The following CATSPERE variants were observed in gnomAD, a reference collection of about 807,000 sequenced individuals.
The protein encoded by CATSPERE is cation channel sperm-associated auxiliary subunit epsilon.
In CATSPERE, 93 loss-of-function variants were observed where a neutral mutation model predicts 114.1. The observed-to-expected ratio is 0.81, with a 90% confidence interval of 0.69 to 0.97. The LOEUF (loss-of-function observed/expected upper bound fraction) is 0.97. Ranked by LOEUF, CATSPERE falls within the 50% of genes least tolerant of loss-of-function variation. CATSPERE has a pLI of 0.00. For missense variants in CATSPERE, 1,058 were observed against 1,131.6 expected, an observed-to-expected ratio of 0.93 and a Z score of 0.93; for synonymous variants, 341 against 384.1, an observed-to-expected ratio of 0.89 and a Z score of 1.31.
intron 8 of CATSPERE, among the ~76,000 whole-genome samples, chr1:244,545,430 A>G (rs553102153): frequency 4.9e-4 from 75 of 152,328 alleles, no homozygotes; most frequent in African/African-American, 1.8e-3. Context: ...AGGCTCTAGA[A>G]TAAGTCTAGG....
At position 244,583,797 on chromosome 1, in the gene CATSPERE, T is replaced by A. The variant is rs1666601171; in HGVS notation, c.2010-67T>A. 2.0e-6 allele frequency: 3 copies of A among 1,467,880 alleles called. No homozygotes were observed. In the Admixed American group the frequency reaches 5.2e-5, roughly 26 times the overall value. 90.9% of individuals were successfully genotyped at this position (1,467,880 alleles called of 1,614,324 possible). A position where few individuals can be genotyped will look rare whatever the true frequency, so the allele number is the denominator to read the frequency against. On this transcript the variant is annotated intron_variant, in intron 12 of 21. Transcript: ENST00000366534. ...TGCACATGGGACTTTGCACTTGCTCTACAGAAAGACAGTGTCATGCCTGTC... is the reference window on the plus strand; with the variant it reads ...TGCACATGGGACTTTGCACTTGCTCAACAGAAAGACAGTGTCATGCCTGTC...
chr1:244,470,348 C>A (rs1446625865), intron 2 of CATSPERE, among the ~76,000 whole-genome samples: 2 of 152,098 alleles, frequency 1.3e-5, no homozygotes, highest in African/African-American at 4.8e-5. Context: ...AATAAAAATA[C>A]AACCCAGTTT....
intron 20 of CATSPERE, among the ~76,000 whole-genome samples, chr1:244,626,790 G>C (rs1311868040): frequency 6.6e-6 from 1 of 152,152 alleles, no homozygotes; most frequent in Non-Finnish European, 1.5e-5. Context: ...TCTAAATTAG[G>C]CTTTGGTTTA....
chr1:244,498,160 C>T (rs1673416381), intron 6 of CATSPERE, among the ~76,000 whole-genome samples: 1 of 152,052 alleles, frequency 6.6e-6, no homozygotes, highest in South Asian at 2.1e-4. Context: ...GTAGTTCCTC[C>T]ATAATTTAGA....
In CATSPERE at chr1:244,560,776, A is replaced by G. The variant is rs1302297266; in HGVS notation, c.1138A>G (p.Ile380Val). ...RLVTTTELKNILSLSVTATLT... is the reference protein window; with the variant it reads ...RLVTTTELKNVLSLSVTATLT... ...AGTAACTACCACAGAACTGAAAAACATCCTAAGTCTATCGGTGACTGCTAC... is the reference window on the plus strand; with the variant it reads ...AGTAACTACCACAGAACTGAAAAACGTCCTAAGTCTATCGGTGACTGCTAC... Residue 380 changes from isoleucine to valine, a missense_variant, in exon 10 of 22, where the codon ATC (isoleucine) becomes GTC (valine). Physicochemically the swap from Ile to Val is conservative, Grantham distance 29. Around this residue, in one of 2 missense-constraint regions of CATSPERE, gnomAD observed 787 missense variants for 905.6 expected, o/e 0.87. Coordinates refer to ENST00000366534, the MANE Select transcript of CATSPERE (RefSeq NM_001130957.2). 1.2e-6 allele frequency: 2 copies of G among 1,613,962 alleles called. No homozygotes were observed. The highest frequency in any genetic ancestry group is 1.7e-6 in the Non-Finnish European group (2 of 1,179,976).
chr1:244,499,096 G>A lies in CATSPERE; in HGVS notation c.429+17G>A, dbSNP rs199981863. On this transcript the variant is annotated intron_variant, in intron 7 of 21. Coordinates refer to ENST00000366534, the MANE Select transcript of CATSPERE (RefSeq NM_001130957.2). Reference sequence around the variant, plus strand: ...CCTTCAATAGTAGGTGGAAACATTAGTATCGTCATAGTAAGAACAGAATGC... The same window carrying A: ...CCTTCAATAGTAGGTGGAAACATTAATATCGTCATAGTAAGAACAGAATGC... 6.4e-7 allele frequency: 1 copy of A among 1,571,558 alleles called. No homozygotes were observed. The highest frequency in any genetic ancestry group is 8.8e-7 in the Non-Finnish European group (1 of 1,141,986).
At chr1:244,524,473 A>C (rs200887924) in intron 8 of CATSPERE, among the ~76,000 whole-genome samples, 2 of 151,564 alleles carry the variant, frequency 1.3e-5, no homozygotes, top group African/African-American at 4.9e-5. Context: ...GCAACAAAAG[A>C]CAAAATTGAC....
chr1:244,522,193 G>A (rs934722515), intron 8 of CATSPERE, among the ~76,000 whole-genome samples: 2 of 152,042 alleles, frequency 1.3e-5, no homozygotes, highest in African/African-American at 2.4e-5. Flanking sequence ...ACTCAAAACC[G>A]CTCAACTACA....
At chr1:244,557,905 G>C (rs371598697) in intron 9 of CATSPERE, among the ~76,000 whole-genome samples, 136 of 151,502 alleles carry the variant, frequency 9.0e-4, no homozygotes, top group African/African-American at 3.0e-3. Flanking sequence ...GTATACACTT[G>C]TATGTTCACT....
chr1:244,480,521 T>C (rs1252487337), intron 5 of CATSPERE, among the ~76,000 whole-genome samples: 1 of 151,976 alleles, frequency 6.6e-6, no homozygotes. Flanking sequence ...GTGTGACGTA[T>C]ATGGTCTAAC....
intron 19 of CATSPERE, among the ~76,000 whole-genome samples, chr1:244,614,608 T>C (rs973236502): frequency 1.5e-4 from 23 of 152,154 alleles, no homozygotes; most frequent in African/African-American, 5.6e-4. Flanking sequence ...CTTCCTCTGC[T>C]GTTTCATATC....
chr1:244,617,446 T>C, intron 19 of CATSPERE, 83 bp from the exon 20 acceptor site: 2 of 1,105,192 alleles, frequency 1.8e-6, no homozygotes, highest in South Asian at 3.8e-5. Context: ...CTCTAAATAA[T>C]TTTCCAAGAT....
At chr1:244,610,953 A>G (rs537955374) in intron 19 of CATSPERE, among the ~76,000 whole-genome samples, 2 of 151,926 alleles carry the variant, frequency 1.3e-5, no homozygotes, top group African/African-American at 4.8e-5. Context: ...TAGAGACGGC[A>G]TTTCACCATG....
chr1:244,451,857 C>G (rs757230494), upstream of CATSPERE: 2 of 1,511,632 alleles, frequency 1.3e-6, no homozygotes, highest in Non-Finnish European at 1.8e-6. The surrounding 1 kb of genome is among the most constrained non-coding windows in gnomAD (Gnocchi z 6.6). Flanking sequence ...GAGAGGCGGC[C>G]GGCGAGGAGT....
intron 5 of CATSPERE, among the ~76,000 whole-genome samples, chr1:244,488,875 C>T (rs1245692772): frequency 6.6e-6 from 1 of 152,168 alleles, no homozygotes; most frequent in Non-Finnish European, 1.5e-5. Flanking sequence ...AGATTGAACA[C>T]ATGAAATAGA....
chr1:244,497,754 A>G (rs919279958), intron 6 of CATSPERE, among the ~76,000 whole-genome samples: 6 of 152,174 alleles, frequency 3.9e-5, no homozygotes, highest in African/African-American at 1.4e-4. Context: ...GTGAGATTGC[A>G]CCATTGCACT....
At chr1:244,452,018 G>C (rs1459696147), upstream of CATSPERE, 6 of 466,896 alleles carry the variant, frequency 1.3e-5, no homozygotes, top group African/African-American at 8.2e-5. Context: ...TACCATGACT[G>C]CCCCGCGCAG....
chr1:244,614,949 T>C (rs1167720292), intron 19 of CATSPERE, among the ~76,000 whole-genome samples: 2 of 152,114 alleles, frequency 1.3e-5, no homozygotes, highest in Non-Finnish European at 2.9e-5. Flanking sequence ...TAACCTAAAA[T>C]TTTATTACTC....
intron 11 of CATSPERE, among the ~76,000 whole-genome samples, chr1:244,577,933 A>G (rs933025151): frequency 1.1e-4 from 16 of 152,222 alleles, no homozygotes; most frequent in Admixed American, 1.0e-3. Context: ...ATCTATTGCT[A>G]CCTACTATGG....
Sources: allele counts gnomAD v4.1 joint callset (sites outside exome capture counted in the v4.1 genomes callset), GRCh38; gene constraint gnomAD v4.1.1; regional missense constraint gnomAD v4.1.1; non-coding constraint Gnocchi (gnomAD v3.1); transcripts MANE v1.5; gene names NCBI Gene and HGNC (gene_info 2026-07-23, HGNC 2026-07-21).